BNC2: variants seen among roughly 807,000 people sequenced by gnomAD.
The protein encoded by BNC2 is zinc finger protein basonuclin-2.
Under a neutral mutation model 76.3 loss-of-function variants are expected in BNC2, and 20 were observed. The observed-to-expected ratio is 0.26, with a 90% CI of 0.18 to 0.38. BNC2 has a LOEUF of 0.38. Among genes scored for constraint, BNC2 ranks in the 10% least tolerant of loss-of-function variants. The probability of loss-of-function intolerance (pLI) is 1.00; values close to 1 mark genes in which losing one functional copy is unlikely to be tolerated. For missense variants in BNC2, 1,382 were observed against 1,399.8 expected (o/e 0.99, Z 0.20); for synonymous variants, 582 against 514.8 (o/e 1.13, Z -1.77).
At chr9:16,670,885 T>A (rs1822455897) in intron 3 of BNC2, among the ~76,000 whole-genome samples, 1 of 152,100 alleles carries the variant, frequency 6.6e-6, no homozygotes. Flanking sequence ...CTCTGTCACG[T>A]CTCTTATTCT....
intron 3 of BNC2, among the ~76,000 whole-genome samples, chr9:16,651,861 G>A (rs1218324880): frequency 2.0e-5 from 3 of 152,066 alleles, no homozygotes; most frequent in Admixed American, 6.6e-5. Flanking sequence ...TAACATATAC[G>A]GAGAAGAGAG....
intron 5 of BNC2, among the ~76,000 whole-genome samples, chr9:16,479,223 C>T (rs1334857213): frequency 6.8e-6 from 1 of 146,204 alleles, no homozygotes; most frequent in Non-Finnish European, 1.5e-5. Context: ...GTACTCCAGC[C>T]TGGGCGACAG....
intron 3 of BNC2, chr9:16,625,710 A>G (rs1015204723): frequency 3.5e-4 from 53 of 152,372 alleles, no homozygotes; most frequent in African/African-American, 1.1e-3. Flanking sequence ...TGAGCAAACA[A>G]TGAGAAAGGC....
At chr9:16,525,852 T>G (rs572061902) in intron 5 of BNC2, among the ~76,000 whole-genome samples, 1 of 152,314 alleles carries the variant, frequency 6.6e-6, no homozygotes, top group East Asian at 1.9e-4. Flanking sequence ...TACCCCAATA[T>G]CACTTACTTT....
At chr9:16,683,415 G>C (rs939273173) in intron 3 of BNC2, among the ~76,000 whole-genome samples, 1 of 152,172 alleles carries the variant, frequency 6.6e-6, no homozygotes, top group African/African-American at 2.4e-5. Flanking sequence ...CTAAATTGAG[G>C]TGTACGGAAG....
At position 16,417,762 on chromosome 9, in the gene BNC2, T is replaced by C. The variant is rs1330068066; in HGVS notation, c.*1227A>G. ...TGGGCTTTTGTATCCTGAAATATTATCCTGCCTCTGAAGAATAAATGCCTT... is the reference window on the plus strand; with the variant it reads ...TGGGCTTTTGTATCCTGAAATATTACCCTGCCTCTGAAGAATAAATGCCTT... On this transcript the variant is annotated 3_prime_UTR_variant, in exon 7 of 7. Transcript: ENST00000380672. 1.3e-5 allele frequency: 2 copies of C among 152,694 alleles called. No homozygotes were observed. The highest frequency in any genetic ancestry group is 1.3e-4 in the Admixed American group (2 of 15,292). The allele number at this position is 152,694 out of a possible 1,614,324, so 9.5% of individuals were successfully genotyped here.
chr9:16,855,252 T>C (rs975727251), intron 1 of BNC2, among the ~76,000 whole-genome samples: 4 of 152,140 alleles, frequency 2.6e-5, no homozygotes, highest in Admixed American at 6.5e-5. Context: ...AGGCTTCATA[T>C]GCCAGAGGAA....
chr9:16,534,832 C>T (rs1818080061), intron 5 of BNC2, among the ~76,000 whole-genome samples: 1 of 152,064 alleles, frequency 6.6e-6, no homozygotes, highest in Non-Finnish European at 1.5e-5. Flanking sequence ...AAAATCAAAA[C>T]TTTTATACTT....
chr9:16,559,010 C>T (rs1324977118), intron 4 of BNC2, among the ~76,000 whole-genome samples: 3 of 151,642 alleles, frequency 2.0e-5, no homozygotes, highest in Non-Finnish European at 2.9e-5. Flanking sequence ...AGGCTGAATG[C>T]AATTCACAAT....
At chr9:16,773,604 A>AC (rs1302122254) in intron 1 of BNC2, among the ~76,000 whole-genome samples, 5 of 152,226 alleles carry the variant, frequency 3.3e-5, no homozygotes, top group Admixed American at 2.6e-4. Flanking sequence ...ATTCCAACTC[A>AC]CATTGACAGC....
chr9:16,737,609 A>G (rs1256181851), intron 2 of BNC2, among the ~76,000 whole-genome samples: 4 of 149,804 alleles, frequency 2.7e-5, no homozygotes, highest in East Asian at 3.9e-4. Context: ...GGGAACTCCT[A>G]CTCTCAAGCA....
At chr9:16,462,091 T>C (rs982183201) in intron 5 of BNC2, among the ~76,000 whole-genome samples, 7 of 152,208 alleles carry the variant, frequency 4.6e-5, no homozygotes, top group Non-Finnish European at 4.4e-5. Context: ...TGAGTGTCCA[T>C]TGGCAAGTCT....
At chr9:16,674,953 C>T (rs113835645) in intron 3 of BNC2, among the ~76,000 whole-genome samples, 2 of 152,066 alleles carry the variant, frequency 1.3e-5, no homozygotes, top group African/African-American at 2.4e-5. Context: ...GTTTAAGAAT[C>T]GGCATTTGAG....
intron 5 of BNC2, among the ~76,000 whole-genome samples, chr9:16,501,343 G>A (rs969160872): frequency 2.0e-5 from 3 of 152,124 alleles, no homozygotes; most frequent in African/African-American, 4.8e-5. Context: ...AGTCAGCAAT[G>A]AAAACCATTC....
chr9:16,564,190 T>C (rs1295834339), intron 4 of BNC2, among the ~76,000 whole-genome samples: 1 of 152,234 alleles, frequency 6.6e-6, no homozygotes, highest in African/African-American at 2.4e-5. Context: ...GGCCAGAGTC[T>C]AATCCCAGCT....
chr9:16,712,969 C>A (rs1227597972), intron 3 of BNC2, among the ~76,000 whole-genome samples: 2 of 152,102 alleles, frequency 1.3e-5, no homozygotes, highest in African/African-American at 4.8e-5. Context: ...CTAGGAGGCT[C>A]CAAAAGGGTA....
chr9:16,529,952 G>A (rs1033072778), intron 5 of BNC2, among the ~76,000 whole-genome samples: 1 of 152,048 alleles, frequency 6.6e-6, no homozygotes, highest in East Asian at 1.9e-4. Flanking sequence ...AGGCTCAACC[G>A]ATTCTTCTGC....
At chr9:16,590,545 T>C (rs544300411) in intron 3 of BNC2, among the ~76,000 whole-genome samples, 1 of 151,818 alleles carries the variant, frequency 6.6e-6, no homozygotes, top group South Asian at 2.1e-4. Flanking sequence ...CAGGGAATAG[T>C]GGCTCATGCC....
chr9:16,673,410 C>T (rs1430183291), intron 3 of BNC2, among the ~76,000 whole-genome samples: 1 of 149,310 alleles, frequency 6.7e-6, no homozygotes, highest in East Asian at 2.0e-4. Flanking sequence ...GAATAAACTC[C>T]CAGGGAACAT....
Sources: gnomAD v4.1 joint callset for allele counts (sites outside exome capture counted in the v4.1 genomes callset) on GRCh38, gnomAD v4.1.1 for gene constraint, MANE v1.5 for transcripts, NCBI Gene and HGNC (gene_info 2026-07-23, HGNC 2026-07-21) for gene names.